PSD3: variants seen among roughly 807,000 people sequenced by gnomAD.
The protein encoded by PSD3 is PH and SEC7 domain-containing protein 3.
In PSD3, 49 loss-of-function variants were observed where a neutral mutation model predicts 105.5. The ratio of observed to expected loss-of-function variants is 0.46; its 90% CI spans 0.37 to 0.59. The LOEUF (loss-of-function observed/expected upper bound fraction) is 0.59. Ranked by LOEUF, PSD3 falls within the 20% of genes least tolerant of loss-of-function variation. The probability of loss-of-function intolerance (pLI) is 0.00; values close to 1 mark genes in which losing one functional copy is unlikely to be tolerated. For synonymous variants in PSD3, 557 were observed against 457.8 expected (o/e 1.22, Z -2.77); for missense variants, 1,561 against 1,263.8 (o/e 1.24, Z -3.57).
intron 9 of PSD3, among the ~76,000 whole-genome samples, chr8:18,753,567 GTTAAAACAA>G (rs1377657548): frequency 6.6e-6 from 1 of 152,020 alleles, no homozygotes; most frequent in Non-Finnish European, 1.5e-5. Context: ...AAGAGTAAAT[GTTAAAACAA>G]TTAAAACAAG....
intron 4 of PSD3, among the ~76,000 whole-genome samples, chr8:18,852,057 G>A (rs17127330): frequency 2.0e-5 from 3 of 152,022 alleles, no homozygotes; most frequent in South Asian, 2.1e-4. Context: ...TGAATTAAAT[G>A]TAAGACCTTT....
At chr8:18,776,713 A>C (rs1026031399) in intron 8 of PSD3, among the ~76,000 whole-genome samples, 7 of 152,160 alleles carry the variant, frequency 4.6e-5, no homozygotes, top group African/African-American at 1.4e-4. Flanking sequence ...CTGAGCAGTG[A>C]AACTGTCAGA....
intron 3 of PSD3, among the ~76,000 whole-genome samples, chr8:18,870,096 G>T (rs1406336567): frequency 1.3e-5 from 2 of 152,178 alleles, no homozygotes; most frequent in Non-Finnish European, 2.9e-5. Flanking sequence ...ATGGGTTGGG[G>T]AGGGGAGTGG....
intron 11 of PSD3, among the ~76,000 whole-genome samples, chr8:18,607,562 C>T (rs978292648): frequency 7.3e-5 from 11 of 151,698 alleles, no homozygotes; most frequent in East Asian, 1.9e-4. Flanking sequence ...AAACTAGATT[C>T]GGGAGGCAAT....
At position 18,615,412 on chromosome 8, in the gene PSD3, C is replaced by A. The variant is rs547615048; in HGVS notation, c.2411-14978G>T. Among the ~76,000 whole-genome samples the A allele has an allele frequency of 2.0e-4, 30 of 152,104 alleles. 1 individual carries two copies. The highest frequency in any genetic ancestry group is 2.0e-4 in the Admixed American group (3 of 15,292). ...GGGCCACGGGCATCAGGGATAAGAA[C>A]CCCTTCCCCTCCCTTGTCCAAGTAT... is the stretch of plus-strand genomic sequence containing the variant. On this transcript the variant is annotated intron_variant, in intron 11 of 15. Coordinates refer to ENST00000327040, the MANE Select transcript of PSD3 (RefSeq NM_015310.4).
rs1469951328 is a variant in PSD3 at position 18,867,908 on chromosome 8, T to A, written c.1400A>T (p.Glu467Val). 1.9e-6 allele frequency: 3 copies of A among 1,614,206 alleles called. No homozygotes were observed. The part of the protein sequence containing the change: ...SAESLETLYS[E>V]PDSYFSFEMP... ...TTCAAAGCTAAAATAGCTATCAGGC[T>A]CTGAGTATAATGTCTCCAGGGACTC... is the stretch of plus-strand genomic sequence containing the variant. Residue 467 changes from glutamate to valine, a missense_variant, in exon 4 of 16, where the codon GAG (glutamate) becomes GTG (valine). Physicochemically the swap from Glu to Val is moderately radical, Grantham distance 121. Transcript: ENST00000327040.
intron 2 of PSD3, among the ~76,000 whole-genome samples, chr8:18,932,934 T>C (rs1452183063): frequency 6.6e-6 from 1 of 152,264 alleles, no homozygotes; most frequent in Non-Finnish European, 1.5e-5. Context: ...CATGAAGTTA[T>C]CACCAGACAA....
intron 2 of PSD3, among the ~76,000 whole-genome samples, chr8:18,913,541 G>A (rs1820384429): frequency 2.0e-5 from 3 of 151,918 alleles, no homozygotes; most frequent in Admixed American, 1.3e-4. Context: ...CAGCCTCAGG[G>A]GCCTCATGCT....
chr8:18,779,429 C>CT (rs972695098), intron 8 of PSD3, among the ~76,000 whole-genome samples: 4 of 151,078 alleles, frequency 2.6e-5, no homozygotes, highest in Non-Finnish European at 4.4e-5. Flanking sequence ...TCTGTATAGC[C>CT]TTTTTTTCAC....
intron 11 of PSD3, among the ~76,000 whole-genome samples, chr8:18,603,250 T>C (rs1804566154): frequency 6.6e-6 from 1 of 152,222 alleles, no homozygotes; most frequent in Non-Finnish European, 1.5e-5. Flanking sequence ...AGGGTTTTGA[T>C]TCCAACAATC....
chr8:19,040,111 G>A (rs1828071442), intron 1 of PSD3, among the ~76,000 whole-genome samples: 1 of 152,350 alleles, frequency 6.6e-6, no homozygotes, highest in East Asian at 1.9e-4. Flanking sequence ...GACAGCATGG[G>A]TTGTGAAACA....
upstream of PSD3, among the ~76,000 whole-genome samples, chr8:19,018,369 A>T (rs563941613): frequency 6.6e-6 from 1 of 152,286 alleles, no homozygotes; most frequent in East Asian, 1.9e-4. Flanking sequence ...TAAAAAAAAA[A>T]AATGAGGCAT....
chr8:18,577,240 A>G (rs1192383018), intron 12 of PSD3, among the ~76,000 whole-genome samples: 2 of 152,056 alleles, frequency 1.3e-5, no homozygotes, highest in Non-Finnish European at 2.9e-5. Flanking sequence ...AGATATTCAT[A>G]ATTTTATTGG....
rs576009204 is a variant in PSD3, at chr8:18,715,137, G to A, written c.2172+50312C>T. On this transcript the variant is annotated intron_variant, in intron 9 of 15. Transcript: ENST00000327040. Reference sequence around the variant, plus strand: ...ACACACTGGGCCTTGTAGGGGGTGGGAAGACGGAGAACATCAGGAAAAATA... The same window carrying A: ...ACACACTGGGCCTTGTAGGGGGTGGAAAGACGGAGAACATCAGGAAAAATA... 9.4e-4 allele frequency among the ~76,000 whole-genome samples: 143 copies of A among 152,234 alleles called. 1 individual carries two copies. The highest frequency in any genetic ancestry group is 1.0e-4 in the Non-Finnish European group (7 of 68,016).
chr8:18,799,021 C>G (rs570542678), intron 8 of PSD3: 13 of 333,608 alleles, frequency 3.9e-5, no homozygotes, highest in African/African-American at 2.1e-4. Flanking sequence ...AGTAAAAGCT[C>G]TGTCTGCCAT....
At chr8:18,723,346 T>C (rs1803129543) in intron 9 of PSD3, among the ~76,000 whole-genome samples, 1 of 152,232 alleles carries the variant, frequency 6.6e-6, no homozygotes, top group East Asian at 1.9e-4. Flanking sequence ...ACTCTGCAAA[T>C]GCCTTTGTGC....
intron 1 of PSD3, among the ~76,000 whole-genome samples, chr8:18,960,913 C>T (rs1256729059): frequency 2.0e-5 from 3 of 151,852 alleles, no homozygotes; most frequent in Admixed American, 2.0e-4. Context: ...GGTAAAACTC[C>T]ATCTCTACAA....
intron 11 of PSD3, among the ~76,000 whole-genome samples, chr8:18,610,677 C>T (rs187585151): frequency 2.2e-4 from 34 of 152,068 alleles, no homozygotes; most frequent in African/African-American, 8.0e-4. Context: ...GCAACCAATG[C>T]ATATTTTGAT....
intron 9 of PSD3, chr8:18,683,823 T>C (rs1477878906): frequency 1.3e-6 from 1 of 765,208 alleles, no homozygotes; most frequent in South Asian, 1.3e-5. Context: ...TTTCATGGAC[T>C]TTGACCTGTG....
Sources: gnomAD v4.1 joint callset for allele counts (sites outside exome capture counted in the v4.1 genomes callset) on GRCh38, gnomAD v4.1.1 for gene constraint, MANE v1.5 for transcripts, NCBI Gene and HGNC (gene_info 2026-07-23, HGNC 2026-07-21) for gene names.